PYCR3: variants seen among roughly 807,000 people sequenced by gnomAD.
The protein encoded by PYCR3 is P5C reductase 3.
Under a neutral mutation model 23.4 loss-of-function variants are expected in PYCR3, and 26 were observed. The observed-to-expected ratio is 1.11, with a 90% CI of 0.81 to 1.54. The LOEUF is 1.54. Ranked by LOEUF, PYCR3 falls within the 40% of genes most tolerant of loss-of-function variation. The probability of loss-of-function intolerance (pLI) is 0.00; values close to 1 mark genes in which losing one functional copy is unlikely to be tolerated. For synonymous variants in PYCR3, 194 were observed against 162.6 expected (o/e 1.19, Z -1.47); for missense variants, 360 against 376.3 (o/e 0.96, Z 0.36).
intron 5 of PYCR3, 38 bp from the exon 6 acceptor site, chr8:143,605,920 G>C: frequency 6.3e-7 from 1 of 1,580,788 alleles, no homozygotes; most frequent in Non-Finnish European, 8.6e-7. Context: ...GGGGGGAGGT[G>C]GTGCGGTCCC....
chr8:143,605,783 G>A lies in PYCR3; in HGVS notation c.742C>T (p.Leu248=). The part of the protein sequence containing the change: ...GGTTIYGLHA[L]EQGGLRAATM... The stretch of plus-strand genomic sequence containing the variant: ...GCTGCTCGCAGCCCGCCCTGCTCCA[G>A]GGCGTGGAGTCCATAGATGGTGGTG... The change falls in exon 6 of 6, where the codon CTG becomes TTG. Residue 248 remains leucine, a synonymous_variant. Coordinates refer to ENST00000495276, the MANE Select transcript of PYCR3 (RefSeq NM_023078.6). The A allele has an allele frequency of 1.9e-6, 3 of 1,612,092 alleles. No homozygotes were observed. Among genetic ancestry groups the A allele is most frequent in the Non-Finnish European group, 2.5e-6 (3 of 1,179,626 alleles).
At position 143,605,034 on chromosome 8, in the gene PYCR3, T is replaced by G; in HGVS notation, c.*666A>C. 1.4e-5 allele frequency: 6 copies of G among 444,092 alleles called. No homozygotes were observed. The highest frequency in any genetic ancestry group is 7.9e-5 in the South Asian group (5 of 63,022). The allele number at this position is 444,092 out of a possible 1,614,324, so 27.5% of individuals were successfully genotyped here. A position where few individuals can be genotyped will look rare whatever the true frequency, so the allele number is the denominator to read the frequency against. ...GCCACCCCACCTACCACTGCCCACC[T>G]GGTGCCACCCCAGCACTGCCGCAGA... On this transcript the variant is annotated 3_prime_UTR_variant, in exon 6 of 6. Transcript: ENST00000495276.
chr8:143,605,551 C>T lies in PYCR3; in HGVS notation c.*149G>A, dbSNP rs896961. ...GGGCTCCCCCGCCTGCTGGAACCTC[C>T]CAAGTCCTGCCCCCTGCATTTCCCT... On this transcript the variant is annotated 3_prime_UTR_variant, in exon 6 of 6. Coordinates refer to ENST00000495276, the MANE Select transcript of PYCR3 (RefSeq NM_023078.6). 0.2 allele frequency: 157,455 copies of T among 771,918 alleles called. 17,212 individuals carry two copies. The highest frequency in any genetic ancestry group is 0.36 in the East Asian group (13,145 of 36,700). 47.8% of individuals were successfully genotyped at this position (771,918 alleles called of 1,614,324 possible). A position where few individuals can be genotyped will look rare whatever the true frequency, so the allele number is the denominator to read the frequency against.
chr8:143,609,000 CAG>C (rs1321025816), intron 1 of PYCR3: 8 of 427,960 alleles, frequency 1.9e-5, no homozygotes, highest in Non-Finnish European at 3.3e-5. Context: ...TGTTTCTCAA[CAG>C]GGGATGATTT....
chr8:143,609,397 G>A (rs1293638334), intron 1 of PYCR3, 61 bp downstream of exon 1: 2 of 1,412,114 alleles, frequency 1.4e-6, no homozygotes, highest in Non-Finnish European at 1.8e-6. Context: ...TCTCGCGGCA[G>A]GACACCTCCC....
At chr8:143,606,715 G>A (rs1376675206) in intron 3 of PYCR3, 36 bp from the exon 4 acceptor site, 7 of 1,550,178 alleles carry the variant, frequency 4.5e-6, no homozygotes, top group Non-Finnish European at 6.1e-6. Context: ...GGAGTCTGTA[G>A]GACTGGGCCC....
In PYCR3 at chr8:143,607,151, G is replaced by A; in HGVS notation, c.157-19C>T. On this transcript the variant is annotated intron_variant, in intron 2 of 5. Coordinates refer to ENST00000495276, the MANE Select transcript of PYCR3 (RefSeq NM_023078.6). ...CCAGAGCCTGCGCCAGGGACACCAG[G>A]ACCAAGCCTCAGGGGCCATGTAAGC... is the stretch of plus-strand genomic sequence containing the variant. The A allele has an allele frequency of 3.9e-6, 6 of 1,532,074 alleles. No individual in the cohort carries two copies. Among genetic ancestry groups the A allele is most frequent in the East Asian group, 2.4e-5 (1 of 41,212 alleles). The allele number at this position is 1,532,074 out of a possible 1,614,324, so 94.9% of individuals were successfully genotyped here.
chr8:143,608,956 T>C, intron 1 of PYCR3: 1 of 454,506 alleles, frequency 2.2e-6, no homozygotes, highest in Non-Finnish European at 4.4e-6. Flanking sequence ...TGGAGGAGTA[T>C]ATGGTCAGCA....
chr8:143,605,791 A>T lies in PYCR3; in HGVS notation c.734T>A (p.Leu245His). The change falls in exon 6 of 6, where the codon CTC becomes CAC. Residue 245 changes from leucine (L) to histidine (H), a missense_variant. Physicochemically the swap from Leu to His is moderately conservative, Grantham distance 99. Coordinates refer to ENST00000495276, the MANE Select transcript of PYCR3 (RefSeq NM_023078.6). ...CTPGGTTIYG[L>H]HALEQGGLRA... ...CAGCCCGCCCTGCTCCAGGGCGTGG[A>T]GTCCATAGATGGTGGTGCCACCCGG... 7 of 1,612,190 alleles carry T rather than the reference A, an allele frequency of 4.3e-6. No individual in the cohort carries two copies. Among genetic ancestry groups the T allele is most frequent in the Non-Finnish European group, 5.9e-6 (7 of 1,179,694 alleles).
rs1215981307 is a variant in PYCR3 at position 143,606,989 on chromosome 8, G to A, written c.300C>T (p.Ser100=). The change falls in exon 3 of 6, where the codon TCC becomes TCT. Residue 100 remains serine, a synonymous_variant. Coordinates refer to ENST00000495276, the MANE Select transcript of PYCR3 (RefSeq NM_023078.6). The part of the protein sequence containing the change: ...PVVTTEHILV[S]VAAGVSLSTL... ...TGCTCAGAGACACCCCAGCAGCCAC[G>A]GACACCAAGATGTGTTCAGTGGTGA... is the stretch of plus-strand genomic sequence containing the variant. The A allele has an allele frequency of 7.5e-6, 12 of 1,609,860 alleles. No individual in the cohort carries two copies. Among genetic ancestry groups the A allele is most frequent in the Admixed American group, 1.7e-5 (1 of 59,816 alleles).
At position 143,604,300 on chromosome 8, in the gene PYCR3, TTGGA is replaced by T; in HGVS notation, c.*1396_*1399del. 1 of 154,020 alleles carries T rather than the reference TTGGA, an allele frequency of 6.5e-6. No homozygotes were observed. The highest frequency in any genetic ancestry group is 6.5e-5 in the Admixed American group (1 of 15,370). The allele number at this position is 154,020 out of a possible 1,614,324, so 9.5% of individuals were successfully genotyped here. ...ACCCTGACAAGTGCCAGGGCCAGGC[TTGGA>T]CCAAGCAGTCAACTGAGTCAGCCTG... On this transcript the variant is annotated 3_prime_UTR_variant, in exon 6 of 6. Coordinates refer to ENST00000495276, the MANE Select transcript of PYCR3 (RefSeq NM_023078.6).
At position 143,603,284 on chromosome 8, in the gene PYCR3, C is replaced by G. The variant is rs1829299253; in HGVS notation, c.*2416G>C. 1 of 152,320 alleles carries G rather than the reference C, an allele frequency of 6.6e-6. No homozygotes were observed. The allele number at this position is 152,320 out of a possible 1,614,324, so 9.4% of individuals were successfully genotyped here. On this transcript the variant is annotated 3_prime_UTR_variant, in exon 6 of 6. Transcript: ENST00000495276. ...TCCAACGCTTGGATCAGGAATACCC[C>G]CTAGATTAACAGTTGGGGCATAGGG... is the stretch of plus-strand genomic sequence containing the variant.
At chr8:143,605,969 G>T (rs1175453286) in intron 5 of PYCR3, 87 bp from the exon 6 acceptor site, 2 of 1,561,448 alleles carry the variant, frequency 1.3e-6, no homozygotes, top group Non-Finnish European at 1.7e-6. Flanking sequence ...CCCAACCTTG[G>T]CCCCAGCTTC....
In PYCR3 at chr8:143,606,152, C is replaced by T. The variant is rs773276565; in HGVS notation, c.552G>A (p.Val184=). ...TGLSGSGVAF[V]CAFSEALAEG... ...CAGCCAGGGCCTCGGAGAATGCACACACCTGTAGCCGCGGCATGGTGGTTG... is the reference window on the plus strand; with the variant it reads ...CAGCCAGGGCCTCGGAGAATGCACATACCTGTAGCCGCGGCATGGTGGTTG... Residue 184 remains valine (V), a splice_region_variant and synonymous_variant, in exon 5 of 6, where the codon GTG becomes GTA. Coordinates refer to ENST00000495276, the MANE Select transcript of PYCR3 (RefSeq NM_023078.6). 1.9e-5 allele frequency: 31 copies of T among 1,606,746 alleles called. No individual in the cohort carries two copies. Among genetic ancestry groups the T allele is most frequent in the Non-Finnish European group, 4.2e-6 (5 of 1,177,342 alleles).
intron 3 of PYCR3, 74 bp from the exon 4 acceptor site, chr8:143,606,753 AG>A: frequency 2.1e-6 from 3 of 1,461,804 alleles, no homozygotes; most frequent in Non-Finnish European, 2.8e-6. Flanking sequence ...CAGGGGCCTC[AG>A]GAAAGGTCCA....
rs768622306 is a variant in PYCR3 at position 143,606,512 on chromosome 8, G to A, written c.504C>T (p.Ala168=). ...TGAGGCCAGTGTGGATGTCGACGTAGGCTTCAGGCACCTCCTCACACCGCC... is the reference window on the plus strand; with the variant it reads ...TGAGGCCAGTGTGGATGTCGACGTAAGCTTCAGGCACCTCCTCACACCGCC... ...ACGRCEEVPE[A]YVDIHTGLSG... The change falls in exon 4 of 6, where the codon GCC becomes GCT. Residue 168 remains alanine, a synonymous_variant. Transcript: ENST00000495276. 4 of 1,612,922 alleles carry A rather than the reference G, an allele frequency of 2.5e-6. No individual in the cohort carries two copies. In the South Asian group the frequency reaches 4.4e-5, roughly 18 times the overall value.
At position 143,604,582 on chromosome 8, in the gene PYCR3, G is replaced by A. The variant is rs1829338582; in HGVS notation, c.*1118C>T. On this transcript the variant is annotated 3_prime_UTR_variant, in exon 6 of 6. Transcript: ENST00000495276. ...GGCATGCTCCCGCCTCACCTCCAGA[G>A]GCTGTTGGGCGGAAGCCGAGAGCTG... The A allele has an allele frequency of 3.2e-6, 1 of 308,148 alleles. No homozygotes were observed. Among genetic ancestry groups the A allele is most frequent in the South Asian group, 2.7e-5 (1 of 37,294 alleles). 19.1% of individuals were successfully genotyped at this position (308,148 alleles called of 1,614,324 possible).
chr8:143,609,369 C>A (rs972655410), intron 1 of PYCR3, 89 bp downstream of exon 1: 4 of 1,349,208 alleles, frequency 3.0e-6, no homozygotes, highest in Non-Finnish European at 3.8e-6. Context: ...TTGGCTGGGC[C>A]CGCGCCCCCG....
In PYCR3 at chr8:143,603,977, C is replaced by T. The variant is rs1829321428; in HGVS notation, c.*1723G>A. On this transcript the variant is annotated 3_prime_UTR_variant, in exon 6 of 6. Coordinates refer to ENST00000495276, the MANE Select transcript of PYCR3 (RefSeq NM_023078.6). ...TGGCATGATCTTGGCTCTCTGCAAT[C>T]TCCGCCTCCTGGATTCAAGCAATTC... The T allele has an allele frequency of 6.6e-6, 1 of 151,978 alleles. No homozygotes were observed. The highest frequency in any genetic ancestry group is 1.5e-5 in the Non-Finnish European group (1 of 68,010). The allele number at this position is 151,978 out of a possible 1,614,324, so 9.4% of individuals were successfully genotyped here. A position where few individuals can be genotyped will look rare whatever the true frequency, so the allele number is the denominator to read the frequency against.
Sources: gnomAD v4.1 joint callset for allele counts on GRCh38, gnomAD v4.1.1 for gene constraint, MANE v1.5 for transcripts, NCBI Gene and HGNC (gene_info 2026-07-23, HGNC 2026-07-21) for gene names.